ASTN2: variants seen among roughly 807,000 people sequenced by gnomAD.
The protein encoded by ASTN2 is astrotactin 2, also known as astrotactin-2.
ASTN2 carries 54 observed loss-of-function variants against 139.8 expected under a neutral mutation model. The ratio of observed to expected loss-of-function variants is 0.39; its 90% CI spans 0.31 to 0.48. The LOEUF (loss-of-function observed/expected upper bound fraction) is 0.48, where lower values mean the gene tolerates loss of function less well. ASTN2 is among the 20% of genes least tolerant of loss of function. The pLI, the probability that ASTN2 is intolerant of heterozygous loss-of-function variation, is 0.95. For synonymous variants in ASTN2, 756 were observed against 719.5 expected, an observed-to-expected ratio of 1.05 and a Z score of -0.81; for missense variants, 1,565 against 1,725.1, an observed-to-expected ratio of 0.91 and a Z score of 1.64.
At chr9:116,945,186 A>C (rs910369873) in intron 10 of ASTN2, among the ~76,000 whole-genome samples, 3 of 152,278 alleles carry the variant, frequency 2.0e-5, no homozygotes. Flanking sequence ...AGAAAGGTGA[A>C]CTTTTCCAGA....
intron 2 of ASTN2, among the ~76,000 whole-genome samples, chr9:117,278,475 G>C (rs1190375446): frequency 1.3e-5 from 2 of 152,156 alleles, no homozygotes; most frequent in African/African-American, 4.8e-5. Context: ...CAGCACAAAG[G>C]AGGTGAGCAG....
chr9:117,016,609 T>TGTTA (rs1564385671), intron 6 of ASTN2, among the ~76,000 whole-genome samples: 205 of 15,560 alleles, frequency 0.013, 21 homozygotes, highest in Non-Finnish European at 0.02. Context: ...TATATCTATA[T>TGTTA]CTATATCTAT....
chr9:116,688,151 G>C (rs1035997125), intron 16 of ASTN2, among the ~76,000 whole-genome samples: 3 of 152,006 alleles, frequency 2.0e-5, no homozygotes, highest in African/African-American at 7.3e-5. Flanking sequence ...GCAGAGATTT[G>C]GAAATAGGGA....
intron 20 of ASTN2, among the ~76,000 whole-genome samples, chr9:116,453,286 C>T (rs1362832072): frequency 2.0e-5 from 3 of 152,140 alleles, no homozygotes; most frequent in Non-Finnish European, 2.9e-5. Flanking sequence ...ATACTTGCCT[C>T]ACAAGATTGT....
chr9:116,827,313 CAAAAAAA>C (rs141242698), intron 11 of ASTN2, among the ~76,000 whole-genome samples: 2 of 79,480 alleles, frequency 2.5e-5, no homozygotes, highest in Non-Finnish European at 4.7e-5. Context: ...CCATCCCCCC[CAAAAAAA>C]AAAAAAAAAA....
chr9:116,932,332 A>G (rs949292024), intron 10 of ASTN2, among the ~76,000 whole-genome samples: 3 of 152,188 alleles, frequency 2.0e-5, no homozygotes, highest in Non-Finnish European at 2.9e-5. Flanking sequence ...ACAGCCTGGT[A>G]GTGGACCCTA....
At chr9:116,569,695 T>C (rs920306428) in intron 19 of ASTN2, among the ~76,000 whole-genome samples, 2 of 152,150 alleles carry the variant, frequency 1.3e-5, no homozygotes, top group African/African-American at 4.8e-5. Flanking sequence ...ATGCCAGAGA[T>C]CCCTGACACC....
intron 13 of ASTN2, among the ~76,000 whole-genome samples, chr9:116,798,945 A>C (rs1360542780): frequency 6.6e-6 from 1 of 152,174 alleles, no homozygotes; most frequent in African/African-American, 2.4e-5. Flanking sequence ...TGACTGATAC[A>C]TTCATTTCCT....
intron 2 of ASTN2, among the ~76,000 whole-genome samples, chr9:117,255,021 C>G (rs774139001): frequency 2.6e-5 from 4 of 152,188 alleles, no homozygotes; most frequent in African/African-American, 7.2e-5. Context: ...AAATTAAATC[C>G]TACCTAATCC....
chr9:117,368,933 G>T (rs1041492932), intron 1 of ASTN2, among the ~76,000 whole-genome samples: 1 of 152,250 alleles, frequency 6.6e-6, no homozygotes, highest in East Asian at 1.9e-4. Flanking sequence ...GAATAGTTCT[G>T]CTTGAACTTA....
chr9:117,010,694 G>C (rs1037842753), intron 6 of ASTN2, among the ~76,000 whole-genome samples: 1 of 149,960 alleles, frequency 6.7e-6, no homozygotes, highest in African/African-American at 2.4e-5. Context: ...GGCAGACACA[G>C]GCATTCAGGA....
At chr9:116,685,783 T>A (rs1033531552) in intron 16 of ASTN2, among the ~76,000 whole-genome samples, 1 of 150,934 alleles carries the variant, frequency 6.6e-6, no homozygotes, top group African/African-American at 2.4e-5. Flanking sequence ...GAAGAGAGAT[T>A]TTTTTTTTTC....
chr9:117,058,859 G>A (rs1224096984), intron 5 of ASTN2, among the ~76,000 whole-genome samples: 1 of 152,190 alleles, frequency 6.6e-6, no homozygotes, highest in African/African-American at 2.4e-5. Flanking sequence ...TTTAAGCCCT[G>A]TCCTGGTGGG....
intron 10 of ASTN2, among the ~76,000 whole-genome samples, chr9:116,878,797 A>T (rs1161341281): frequency 1.3e-5 from 2 of 151,914 alleles, no homozygotes; most frequent in East Asian, 3.9e-4. Flanking sequence ...AAGAAAAAAA[A>T]GTTTCAGTGG....
intron 19 of ASTN2, among the ~76,000 whole-genome samples, chr9:116,511,064 C>T (rs545705590): frequency 6.6e-5 from 10 of 152,282 alleles, no homozygotes; most frequent in East Asian, 3.9e-4. Flanking sequence ...TGAGAGAGGG[C>T]ATCCCTGTCT....
intron 4 of ASTN2, among the ~76,000 whole-genome samples, chr9:117,109,107 C>T (rs930440835): frequency 1.3e-5 from 2 of 151,744 alleles, no homozygotes; most frequent in Non-Finnish European, 2.9e-5. Context: ...ATAGTGAAAC[C>T]CCCGTCTCTA....
chr9:117,349,436 C>T (rs1001780855), intron 1 of ASTN2, among the ~76,000 whole-genome samples: 1 of 152,172 alleles, frequency 6.6e-6, no homozygotes, highest in African/African-American at 2.4e-5. Context: ...AGAAATTAGA[C>T]ATGGCCCCCT....
intron 4 of ASTN2, among the ~76,000 whole-genome samples, chr9:117,097,490 G>C (rs770951225): frequency 6.6e-6 from 1 of 152,118 alleles, no homozygotes; most frequent in Non-Finnish European, 1.5e-5. Context: ...GGGCACGGGA[G>C]AATAAGGACT....
chr9:116,981,605 A>T (rs983498781), intron 7 of ASTN2, among the ~76,000 whole-genome samples: 1 of 152,226 alleles, frequency 6.6e-6, no homozygotes, highest in African/African-American at 2.4e-5. Context: ...ATGGAAACCC[A>T]GGGCTCTTGG....
Sources: allele counts gnomAD v4.1 joint callset (sites outside exome capture counted in the v4.1 genomes callset), GRCh38; gene constraint gnomAD v4.1.1; transcripts MANE v1.5; gene names NCBI Gene and HGNC (gene_info 2026-07-23, HGNC 2026-07-21).